The following CSMD3 variants were observed in gnomAD, a reference collection of about 807,000 sequenced individuals.
CSMD3 encodes the protein CUB and Sushi multiple domains 3.
Under a neutral mutation model 435.2 loss-of-function variants are expected in CSMD3, and 177 were observed. The ratio of observed to expected loss-of-function variants is 0.41; its 90% CI spans 0.36 to 0.46. CSMD3 has a LOEUF of 0.46. Ranked by LOEUF, CSMD3 falls within the 20% of genes least tolerant of loss-of-function variation. CSMD3 has a pLI of 0.34. For synonymous variants in CSMD3, 1,656 were observed against 1,520.5 expected (o/e 1.09, Z -2.07); for missense variants, 4,265 against 4,504.6 (o/e 0.95, Z 1.52).
intron 10 of CSMD3, among the ~76,000 whole-genome samples, chr8:112,913,710 C>G (rs1235103010): frequency 6.6e-6 from 1 of 151,410 alleles, no homozygotes; most frequent in African/African-American, 2.4e-5. Context: ...TTCTCTCTCC[C>G]TCTACGGTTC....
At chr8:113,386,249 G>T (rs1239066361) in intron 1 of CSMD3, among the ~76,000 whole-genome samples, 3 of 151,820 alleles carry the variant, frequency 2.0e-5, no homozygotes, top group East Asian at 3.9e-4. Flanking sequence ...TAAGAGTGGG[G>T]GTAGTAGATG....
At chr8:112,527,990 T>C (rs887661822) in intron 27 of CSMD3, among the ~76,000 whole-genome samples, 6 of 152,168 alleles carry the variant, frequency 3.9e-5, no homozygotes, top group Non-Finnish European at 8.8e-5. Context: ...GAAATTCGTA[T>C]AGTATTCATC....
chr8:113,132,505 C>G (rs1369460912), intron 4 of CSMD3, among the ~76,000 whole-genome samples: 2 of 152,048 alleles, frequency 1.3e-5, no homozygotes, highest in Non-Finnish European at 2.9e-5. Flanking sequence ...CTCTCTTCCT[C>G]CTGCTCCACC....
intron 4 of CSMD3, among the ~76,000 whole-genome samples, chr8:113,105,685 TAG>T (rs940464605): frequency 9.9e-5 from 15 of 152,064 alleles, no homozygotes; most frequent in African/African-American, 3.1e-4. Context: ...TGCACTTCAG[TAG>T]AGAGGGTAAA....
chr8:112,503,490 CT>C (rs912384006), intron 30 of CSMD3, among the ~76,000 whole-genome samples: 1 of 152,080 alleles, frequency 6.6e-6, no homozygotes, highest in Non-Finnish European at 1.5e-5. Context: ...CAAAATGAGG[CT>C]TTTTTTGTAT....
intron 10 of CSMD3, among the ~76,000 whole-genome samples, chr8:112,915,266 G>GA (rs1385927169): frequency 1.3e-5 from 2 of 151,532 alleles, no homozygotes; most frequent in Non-Finnish European, 3.0e-5. Context: ...TTAGTTTAGC[G>GA]AAAGCGTTCA....
chr8:112,598,479 A>T (rs1375265668), intron 22 of CSMD3, among the ~76,000 whole-genome samples: 1 of 148,766 alleles, frequency 6.7e-6, no homozygotes, highest in Non-Finnish European at 1.5e-5. Flanking sequence ...ATCCCCATAA[A>T]GCTACCAATG....
intron 30 of CSMD3, among the ~76,000 whole-genome samples, chr8:112,497,689 A>C (rs1821498899): frequency 6.6e-6 from 1 of 151,976 alleles, no homozygotes; most frequent in African/African-American, 2.4e-5. Context: ...TTGGGTGTGC[A>C]TATTTTTATA....
intron 39 of CSMD3, among the ~76,000 whole-genome samples, 153 bp from the exon 40 acceptor site, chr8:112,351,397 G>C (rs1826124426): frequency 6.6e-6 from 1 of 151,948 alleles, no homozygotes; most frequent in African/African-American, 2.4e-5. Flanking sequence ...CATGATTAAA[G>C]TAAGAAAGGT....
intron 5 of CSMD3, among the ~76,000 whole-genome samples, chr8:113,091,786 T>G (rs1415726954): frequency 1.3e-5 from 2 of 152,026 alleles, no homozygotes; most frequent in Admixed American, 6.6e-5. Flanking sequence ...TTCATTTATT[T>G]CTGCTCTTAT....
At chr8:112,700,770 C>T (rs1238473692) in intron 13 of CSMD3, among the ~76,000 whole-genome samples, 2 of 152,064 alleles carry the variant, frequency 1.3e-5, no homozygotes, top group Non-Finnish European at 1.5e-5. Flanking sequence ...GATTTGACTC[C>T]ACAGGAACAC....
chr8:113,032,126 G>C (rs182482963), intron 5 of CSMD3, among the ~76,000 whole-genome samples: 47 of 151,662 alleles, frequency 3.1e-4, no homozygotes, highest in African/African-American at 1.0e-3. Flanking sequence ...TATACAGTGT[G>C]ATAACAGACT....
intron 22 of CSMD3, among the ~76,000 whole-genome samples, chr8:112,592,184 A>G (rs951869166): frequency 7.9e-5 from 12 of 152,028 alleles, no homozygotes; most frequent in African/African-American, 2.2e-4. Flanking sequence ...TTATTTTCTT[A>G]AATAGGCATT....
Position 112,492,686 on chromosome 8 carries a change from G to A in CSMD3, c.5084-3C>T, listed in dbSNP as rs1274430999. ...AAAGCAGGACTCTCGCAGTTTTGCT[G>A]TAAAACAGTGTTAGTATAACATTAA... is the stretch of plus-strand genomic sequence containing the variant. On this transcript the variant is annotated splice_region_variant and splice_polypyrimidine_tract_variant and intron_variant, in intron 30 of 70. Transcript: ENST00000297405. 1.2e-6 allele frequency: 2 copies of A among 1,611,150 alleles called. No individual in the cohort carries two copies. The highest frequency in any genetic ancestry group is 1.1e-5 in the South Asian group (1 of 91,018).
chr8:112,227,981 A>G (rs1337005535), intron 70 of CSMD3, among the ~76,000 whole-genome samples: 5 of 152,058 alleles, frequency 3.3e-5, no homozygotes, highest in East Asian at 3.9e-4. Flanking sequence ...GGCAGATGTT[A>G]CAGTGAGCCG....
At chr8:112,631,044 A>C (rs972748550) in intron 22 of CSMD3, among the ~76,000 whole-genome samples, 1 of 151,844 alleles carries the variant, frequency 6.6e-6, no homozygotes, top group Non-Finnish European at 1.5e-5. Flanking sequence ...TAAATACATT[A>C]TGAGTTTAAT....
rs567805608 is a variant in CSMD3 at position 112,268,817 on chromosome 8, C to T, written c.9509-3227G>A. ...TTCCAGAAAGAATGGCTAAACCATT[C>T]CTCTCATAATGCTTCTGATTTTACA... On this transcript the variant is annotated intron_variant, in intron 59 of 70. Transcript: ENST00000297405. Among the ~76,000 whole-genome samples the T allele has an allele frequency of 3.3e-5, 5 of 152,258 alleles. No individual in the cohort carries two copies. In the East Asian group the frequency reaches 9.7e-4, roughly 29 times the overall value.
At chr8:112,801,759 G>A (rs1238780847) in intron 12 of CSMD3, among the ~76,000 whole-genome samples, 4 of 151,928 alleles carry the variant, frequency 2.6e-5, no homozygotes, top group East Asian at 1.9e-4. Context: ...CTCCAGCTTG[G>A]AGGCAGAATA....
chr8:112,578,327 C>T (rs758709144), intron 23 of CSMD3, among the ~76,000 whole-genome samples: 32 of 151,802 alleles, frequency 2.1e-4, no homozygotes, highest in Non-Finnish European at 3.2e-4. Flanking sequence ...CAGGGGCATT[C>T]GGTTTTTTGT....
Sources: allele counts gnomAD v4.1 joint callset (sites outside exome capture counted in the v4.1 genomes callset), GRCh38; gene constraint gnomAD v4.1.1; transcripts MANE v1.5; gene names NCBI Gene and HGNC (gene_info 2026-07-23, HGNC 2026-07-21).